The following REXO5 variants were observed in gnomAD, a reference collection of about 807,000 sequenced individuals.
REXO5 encodes RNA exonuclease 5.
In REXO5, 48 loss-of-function variants were observed where a neutral mutation model predicts 88.5. The ratio of observed to expected loss-of-function variants is 0.54; its 90% CI spans 0.43 to 0.69. REXO5 has a LOEUF of 0.69. Among genes scored for constraint, REXO5 ranks in the 30% least tolerant of loss-of-function variants. The probability of loss-of-function intolerance (pLI) is 0.00; values close to 1 mark genes in which losing one functional copy is unlikely to be tolerated. For synonymous variants in REXO5, 311 were observed against 336.5 expected (o/e 0.92, Z 0.83); for missense variants, 749 against 912.2 (o/e 0.82, Z 2.30).
rs77110689 is a variant in REXO5, at chr16:20,844,013, G to T, written c.1706G>T (p.Gly569Val). The T allele has an allele frequency of 9.9e-4, 1,586 of 1,594,558 alleles. 12 individuals carry two copies. Among genetic ancestry groups the T allele is most frequent in the Non-Finnish European group, 2.0e-4 (231 of 1,162,158 alleles). The change falls in exon 16 of 20, where the codon GGT becomes GTT. Residue 569 changes from glycine (G) to valine (V), a missense_variant. Coordinates refer to ENST00000261377, the MANE Select transcript of REXO5 (RefSeq NM_030941.3). ...TCCTTGGATGGTATTCTGGTAGATG[G>T]TATCTGCATCAAGGTAGGGTGACAA... ...IESLDGILVD[G>V]ICIKVQRPVT...
intron 11 of REXO5, among the ~76,000 whole-genome samples, chr16:20,831,882 T>G (rs1175286753): frequency 6.6e-6 from 1 of 152,172 alleles, no homozygotes; most frequent in Admixed American, 6.6e-5. Flanking sequence ...ACATCCTTTT[T>G]CAATCAGCCC....
Position 20,844,711 on chromosome 16 carries a change from C to CT in REXO5, c.1803dup (p.Ile602TyrfsTer8). The stretch of plus-strand genomic sequence containing the variant: ...GAAGGAGATTCTGAAAACCAAGGCT[C>CT]TATATATCTGTCTGGAGTGAGTGAA... On this transcript the variant is annotated frameshift_variant, in exon 17 of 20. Coordinates refer to ENST00000261377, the MANE Select transcript of REXO5 (RefSeq NM_030941.3). LOFTEE classifies it high-confidence loss of function. 1.2e-6 allele frequency: 2 copies of CT among 1,614,180 alleles called. No homozygotes were observed. Among genetic ancestry groups the CT allele is most frequent in the Non-Finnish European group, 1.7e-6 (2 of 1,180,032 alleles).
chr16:20,843,535 C>G (rs2081561474), intron 15 of REXO5, among the ~76,000 whole-genome samples: 1 of 152,120 alleles, frequency 6.6e-6, no homozygotes, highest in Admixed American at 6.5e-5. Flanking sequence ...TTTAGTTACT[C>G]CGAGTTAACA....
At chr16:20,813,346 T>A in intron 3 of REXO5, 44 bp downstream of exon 3, 250 of 229,158 alleles carry the variant, frequency 1.1e-3, no homozygotes, top group Non-Finnish European at 1.7e-3. Context: ...AGCGGTTTCT[T>A]TTTTTTTTTT....
At chr16:20,815,173 A>G (rs745635579) in intron 4 of REXO5, 120 bp downstream of exon 4, 1 of 1,108,314 alleles carries the variant, frequency 9.0e-7, no homozygotes, top group Non-Finnish European at 1.3e-6. Context: ...GGATATAGAA[A>G]GCAAAAAGAC....
At chr16:20,819,036 T>C (rs1596575456) in intron 5 of REXO5, among the ~76,000 whole-genome samples, 1 of 152,346 alleles carries the variant, frequency 6.6e-6, no homozygotes, top group East Asian at 1.9e-4. Flanking sequence ...TTTGGTTTTC[T>C]GTTTCTGCAT....
intron 11 of REXO5, among the ~76,000 whole-genome samples, chr16:20,828,943 CAA>C (rs57714781): frequency 1.9e-4 from 18 of 94,558 alleles, no homozygotes; most frequent in Admixed American, 2.4e-4. Flanking sequence ...GACTTCATCT[CAA>C]AAAAAAAAAA....
At chr16:20,806,777 C>G in intron 1 of REXO5, 72 bp downstream of exon 1, 1 of 1,118,950 alleles carries the variant, frequency 8.9e-7, no homozygotes. Flanking sequence ...ACGGGGAGAT[C>G]GTTGGCACCT....
chr16:20,824,863 G>A (rs1286791203), intron 7 of REXO5, among the ~76,000 whole-genome samples: 1 of 152,038 alleles, frequency 6.6e-6, no homozygotes, highest in Non-Finnish European at 1.5e-5. Flanking sequence ...CAAAAAATTA[G>A]CTGGGCATGG....
chr16:20,810,179 ATTTGGGTG>A (rs1413124267), intron 2 of REXO5, among the ~76,000 whole-genome samples: 4 of 152,154 alleles, frequency 2.6e-5, no homozygotes, highest in African/African-American at 9.7e-5. Flanking sequence ...TGATATTTAG[ATTTGGGTG>A]CTATGGTGAT....
Position 20,806,722 on chromosome 16 carries a change from G to T in REXO5, c.-3+17G>T. On this transcript the variant is annotated intron_variant, in intron 1 of 19. Transcript: ENST00000261377. The stretch of plus-strand genomic sequence containing the variant: ...GAGAATCCGGTAACCGATGCGGACG[G>T]TAAAGCCGTTTGGGTTAGAGCGGCG... The T allele has an allele frequency of 1.0e-6, 1 of 990,424 alleles. No homozygotes were observed. The highest frequency in any genetic ancestry group is 1.4e-6 in the Non-Finnish European group (1 of 693,420). The allele number at this position is 990,424 out of a possible 1,614,324, so 61.4% of individuals were successfully genotyped here.
intron 2 of REXO5, chr16:20,807,317 G>T: frequency 1.8e-6 from 1 of 562,050 alleles, no homozygotes; most frequent in South Asian, 2.2e-5. Context: ...GGTGGCTCAT[G>T]CCTGTAATTC....
chr16:20,812,633 A>G (rs1480217131), intron 2 of REXO5, among the ~76,000 whole-genome samples: 1 of 152,166 alleles, frequency 6.6e-6, no homozygotes, highest in Non-Finnish European at 1.5e-5. Flanking sequence ...CTTAGGCCGC[A>G]TTGATCTATG....
chr16:20,814,290 G>C (rs1023489163), intron 3 of REXO5, among the ~76,000 whole-genome samples: 1 of 152,172 alleles, frequency 6.6e-6, no homozygotes, highest in Non-Finnish European at 1.5e-5. Context: ...AGGCTGGAGT[G>C]CAGTGGCACG....
chr16:20,822,541 A>G (rs1294349907), intron 6 of REXO5, among the ~76,000 whole-genome samples: 1 of 152,244 alleles, frequency 6.6e-6, no homozygotes, highest in Non-Finnish European at 1.5e-5. Context: ...GAACACTTCT[A>G]TCATCCCAAA....
At chr16:20,844,996 G>A in intron 17 of REXO5, 58 bp from the exon 18 acceptor site, 2 of 1,586,366 alleles carry the variant, frequency 1.3e-6, no homozygotes, top group South Asian at 2.3e-5. Flanking sequence ...CAGGCAGCTT[G>A]GATGGTGATC....
At chr16:20,825,101 TTTG>T (rs1465965401) in intron 7 of REXO5, among the ~76,000 whole-genome samples, 1 of 152,178 alleles carries the variant, frequency 6.6e-6, no homozygotes, top group Non-Finnish European at 1.5e-5. Context: ...GAAGAAGTAT[TTTG>T]TTGTTGCTGC....
Position 20,840,447 on chromosome 16 carries a change from T to G in REXO5, c.1605T>G (p.Thr535=). Residue 535 remains threonine (T), a synonymous_variant, in exon 15 of 20, where the codon ACT becomes ACG. Transcript: ENST00000261377. ...FKSFGPVQSM[T]FVLETRQPHL... The stretch of plus-strand genomic sequence containing the variant: ...GCTTTGGCCCAGTCCAGTCAATGAC[T>G]TTTGTTCTTGAAACCCGTCAGGTAA... 2.6e-6 allele frequency: 4 copies of G among 1,557,474 alleles called. No homozygotes were observed. Among genetic ancestry groups the G allele is most frequent in the Non-Finnish European group, 3.5e-6 (4 of 1,140,726 alleles).
At chr16:20,819,447 C>CTT (rs35337424) in intron 5 of REXO5, among the ~76,000 whole-genome samples, 10 of 123,434 alleles carry the variant, frequency 8.1e-5, no homozygotes, top group South Asian at 2.6e-4. Flanking sequence ...TTCTTTCCTC[C>CTT]TTTTTTTTTT....
Sources: allele counts gnomAD v4.1 joint callset (sites outside exome capture counted in the v4.1 genomes callset), GRCh38; gene constraint gnomAD v4.1.1; transcripts MANE v1.5; gene names NCBI Gene and HGNC (gene_info 2026-07-23, HGNC 2026-07-21).